The following EXOC6 variants were observed in gnomAD, a reference collection of about 807,000 sequenced individuals.
EXOC6 encodes the protein SEC15-like 1.
EXOC6 carries 60 observed loss-of-function variants against 112.5 expected under a neutral mutation model. That is an observed-to-expected ratio of 0.53 (90% CI 0.43 to 0.66). The LOEUF (loss-of-function observed/expected upper bound fraction) is 0.66, where lower values mean the gene tolerates loss of function less well. Among genes scored for constraint, EXOC6 ranks in the 30% least tolerant of loss-of-function variants. The pLI is 0.00. For synonymous variants in EXOC6, 295 were observed against 308.0 expected (o/e 0.96, Z 0.44); for missense variants, 855 against 957.1 (o/e 0.89, Z 1.41).
At chr10:93,000,413 A>G (rs1016938042) in intron 19 of EXOC6, among the ~76,000 whole-genome samples, 2 of 152,196 alleles carry the variant, frequency 1.3e-5, no homozygotes, top group Non-Finnish European at 2.9e-5. Context: ...TCCTTTGGGC[A>G]GAGTTACTAG....
At chr10:92,849,478 A>G (rs1366159710) in intron 1 of EXOC6, among the ~76,000 whole-genome samples, 1 of 152,206 alleles carries the variant, frequency 6.6e-6, no homozygotes, top group Non-Finnish European at 1.5e-5. Flanking sequence ...GTAATGAGCC[A>G]TGGGTTAGGT....
intron 1 of EXOC6, among the ~76,000 whole-genome samples, chr10:92,854,107 T>G (rs1455626901): frequency 6.6e-6 from 1 of 151,584 alleles, no homozygotes; most frequent in Non-Finnish European, 1.5e-5. Flanking sequence ...GTCTAGAATG[T>G]ATAAAGGAAG....
At chr10:92,983,870 AT>A (rs2134131328) in intron 18 of EXOC6, among the ~76,000 whole-genome samples, 1 of 152,294 alleles carries the variant, frequency 6.6e-6, no homozygotes, top group African/African-American at 2.4e-5. Context: ...TTTAATCAGT[AT>A]CTTAATTCCC....
intron 9 of EXOC6, among the ~76,000 whole-genome samples, chr10:92,933,603 A>C (rs376238497): frequency 6.6e-6 from 1 of 152,224 alleles, no homozygotes; most frequent in African/African-American, 2.4e-5. Flanking sequence ...ACTTAATTGA[A>C]ATATGAAATA....
At chr10:92,863,622 T>C (rs1848015922) in intron 1 of EXOC6, among the ~76,000 whole-genome samples, 1 of 151,528 alleles carries the variant, frequency 6.6e-6, no homozygotes, top group Non-Finnish European at 1.5e-5. Context: ...TACAAAAAAT[T>C]TTAAGAAAAG....
At chr10:92,882,004 C>T (rs1294284846) in intron 1 of EXOC6, among the ~76,000 whole-genome samples, 1 of 152,116 alleles carries the variant, frequency 6.6e-6, no homozygotes, top group Non-Finnish European at 1.5e-5. Context: ...ATCAATTACC[C>T]AGTCTCGAGT....
chr10:92,873,868 T>G (rs1350236707), intron 1 of EXOC6, among the ~76,000 whole-genome samples: 1 of 151,960 alleles, frequency 6.6e-6, no homozygotes, highest in Non-Finnish European at 1.5e-5. Flanking sequence ...CTGGCCAACA[T>G]GGTGAAACCC....
At chr10:93,001,843 C>G (rs1265799299) in intron 19 of EXOC6, among the ~76,000 whole-genome samples, 1 of 152,122 alleles carries the variant, frequency 6.6e-6, no homozygotes, top group Non-Finnish European at 1.5e-5. Flanking sequence ...TTCTGAAGGC[C>G]AGACATCAAT....
At chr10:92,864,658 A>G (rs1848088749) in intron 1 of EXOC6, among the ~76,000 whole-genome samples, 1 of 47,600 alleles carries the variant, frequency 2.1e-5, no homozygotes, top group South Asian at 4.7e-4. Flanking sequence ...GAGGCCTCAA[A>G]TGGAATAAAA....
intron 8 of EXOC6, among the ~76,000 whole-genome samples, chr10:92,926,544 G>GAAAA (rs1431018202): frequency 4.0e-5 from 6 of 151,322 alleles, no homozygotes; most frequent in African/African-American, 1.5e-4. Context: ...AAAAAAGAAA[G>GAAAA]AAAAAAAGAG....
intron 19 of EXOC6, among the ~76,000 whole-genome samples, chr10:93,005,518 A>G (rs1026833491): frequency 1.3e-5 from 2 of 152,280 alleles, no homozygotes; most frequent in Non-Finnish European, 2.9e-5. Context: ...CATATAGAAG[A>G]AAAGATTAAT....
chr10:92,971,022 C>T (rs968354501), intron 17 of EXOC6, among the ~76,000 whole-genome samples: 2 of 152,178 alleles, frequency 1.3e-5, no homozygotes, highest in Non-Finnish European at 2.9e-5. Flanking sequence ...TTTCTGCCTG[C>T]TCAAATCTGC....
intron 20 of EXOC6, among the ~76,000 whole-genome samples, chr10:93,021,092 C>T (rs1590056455): frequency 2.0e-5 from 3 of 152,012 alleles, no homozygotes; most frequent in Admixed American, 1.3e-4. Flanking sequence ...TGTCCCAGAC[C>T]ATTGTATGTT....
intron 20 of EXOC6, among the ~76,000 whole-genome samples, chr10:93,016,750 G>GTTAT (rs1413538464): frequency 6.6e-6 from 1 of 151,122 alleles, no homozygotes; most frequent in Non-Finnish European, 1.5e-5. Context: ...TAATTATTAT[G>GTTAT]TTATTATATG....
chr10:93,038,101 ATT>A (rs565946149), intron 20 of EXOC6, among the ~76,000 whole-genome samples: 8 of 145,962 alleles, frequency 5.5e-5, no homozygotes, highest in African/African-American at 1.8e-4. Context: ...TTGACTGGAA[ATT>A]TTTTTTTTTG....
chr10:92,975,912 G>C (rs190487941), intron 18 of EXOC6, among the ~76,000 whole-genome samples: 3 of 69,292 alleles, frequency 4.3e-5, no homozygotes, highest in Non-Finnish European at 6.2e-5. Flanking sequence ...CCGTCCGGGA[G>C]GGAGGTGGGG....
At chr10:92,868,290 A>G (rs1848276000) in intron 1 of EXOC6, among the ~76,000 whole-genome samples, 1 of 152,100 alleles carries the variant, frequency 6.6e-6, no homozygotes, top group African/African-American at 2.4e-5. Context: ...GTGGCAACCC[A>G]GCTATCCTAG....
chr10:92,843,333 T>A (rs536281247), intron 1 of EXOC6, among the ~76,000 whole-genome samples: 27 of 152,284 alleles, frequency 1.8e-4, no homozygotes, highest in African/African-American at 6.5e-4. Context: ...ACGGTGGACA[T>A]CTGAAACGAG....
intron 1 of EXOC6, among the ~76,000 whole-genome samples, chr10:92,836,282 C>T (rs1846656814): frequency 6.6e-6 from 1 of 152,224 alleles, no homozygotes; most frequent in African/African-American, 2.4e-5. Flanking sequence ...TAGTCTGTCT[C>T]TGGTGTTGGA....
Sources: gnomAD v4.1 joint callset for allele counts (sites outside exome capture counted in the v4.1 genomes callset) on GRCh38, gnomAD v4.1.1 for gene constraint, MANE v1.5 for transcripts, NCBI Gene and HGNC (gene_info 2026-07-23, HGNC 2026-07-21) for gene names.